Variants in SKIC3 observed in about 807,000 individuals in gnomAD.
SKIC3 encodes the protein superkiller complex protein 3.
At chr5:95,503,323 A>G in the SKIC3 span, among the ~76,000 whole-genome samples, 49 of 152,190 alleles carry the variant, frequency 3.2e-4, 1 homozygote, top group Admixed American at 3.2e-3. Context: ...CTGAGATATC[A>G]CCAAAACTCC....
chr5:95,529,135 G>T, the SKIC3 span: 2 of 1,591,634 alleles, frequency 1.3e-6, no homozygotes, highest in South Asian at 2.2e-5. Context: ...AAAAAACAAG[G>T]TTTCTGTGAC....
the SKIC3 span, chr5:95,524,547 T>G: frequency 8.1e-6 from 13 of 1,613,864 alleles, no homozygotes; most frequent in Non-Finnish European, 1.1e-5. Context: ...AAGTTGGTAA[T>G]GATATTCTGC....
the SKIC3 span, among the ~76,000 whole-genome samples, chr5:95,480,678 A>T: frequency 6.6e-6 from 1 of 152,226 alleles, no homozygotes; most frequent in Non-Finnish European, 1.5e-5. Flanking sequence ...CCCACCAAAA[A>T]GCATGACCAA....
At chr5:95,470,944 AACC>A in the SKIC3 span, among the ~76,000 whole-genome samples, 1 of 152,206 alleles carries the variant, frequency 6.6e-6, no homozygotes, top group Non-Finnish European at 1.5e-5. Flanking sequence ...AAGATTTCAT[AACC>A]ACAAGTATCT....
At chr5:95,540,611 T>C in the SKIC3 span, 1 of 1,547,900 alleles carries the variant, frequency 6.5e-7, no homozygotes, top group Non-Finnish European at 8.9e-7. Context: ...ATGACAATGA[T>C]CAATTATGTT....
the SKIC3 span, among the ~76,000 whole-genome samples, chr5:95,478,105 T>C: frequency 6.6e-6 from 1 of 152,172 alleles, no homozygotes. Flanking sequence ...TATTCTGCTG[T>C]AGTCTATAGA....
the SKIC3 span, among the ~76,000 whole-genome samples, chr5:95,464,869 C>T: frequency 6.7e-6 from 1 of 149,208 alleles, no homozygotes; most frequent in Non-Finnish European, 1.5e-5. Context: ...ACGAAGCTAA[C>T]ATCAGAGAGA....
the SKIC3 span, among the ~76,000 whole-genome samples, chr5:95,493,180 A>G: frequency 6.6e-6 from 1 of 152,194 alleles, no homozygotes; most frequent in African/African-American, 2.4e-5. Flanking sequence ...ACAAGGACTA[A>G]GTGTACAGCC....
the SKIC3 span, among the ~76,000 whole-genome samples, chr5:95,495,730 G>A: frequency 4.6e-5 from 7 of 152,098 alleles, no homozygotes; most frequent in Non-Finnish European, 8.8e-5. Flanking sequence ...CATCTGCAGC[G>A]TCCACACTCT....
chr5:95,477,402 G>A, the SKIC3 span, among the ~76,000 whole-genome samples: 2 of 152,116 alleles, frequency 1.3e-5, no homozygotes, highest in Non-Finnish European at 2.9e-5. Flanking sequence ...CCTAGTTAAA[G>A]TGAGTAACTA....
chr5:95,518,725 G>A, the SKIC3 span, among the ~76,000 whole-genome samples: 1 of 151,898 alleles, frequency 6.6e-6, no homozygotes, highest in Non-Finnish European at 1.5e-5. Flanking sequence ...GAATATCTAG[G>A]TTGATTCCAT....
At chr5:95,508,097 T>C in the SKIC3 span, among the ~76,000 whole-genome samples, 1 of 152,172 alleles carries the variant, frequency 6.6e-6, no homozygotes, top group Admixed American at 6.5e-5. Flanking sequence ...TATACTTCTT[T>C]CCATACACAC....
At chr5:95,510,688 C>T in the SKIC3 span, among the ~76,000 whole-genome samples, 1 of 152,190 alleles carries the variant, frequency 6.6e-6, no homozygotes, top group African/African-American at 2.4e-5. Flanking sequence ...CTGCCCACCA[C>T]CATCCACCAA....
chr5:95,518,463 C>G, the SKIC3 span, among the ~76,000 whole-genome samples: 4 of 151,970 alleles, frequency 2.6e-5, no homozygotes, highest in African/African-American at 9.7e-5. Context: ...ATCCTTTCCC[C>G]CTACCCTTCC....
the SKIC3 span, chr5:95,548,620 A>C: frequency 6.6e-6 from 1 of 151,990 alleles, no homozygotes; most frequent in African/African-American, 2.4e-5. Flanking sequence ...ATTTTTTTGT[A>C]GTTTGCAAAT....
the SKIC3 span, chr5:95,529,164 C>G: frequency 7.3e-7 from 1 of 1,378,418 alleles, no homozygotes; most frequent in South Asian, 1.2e-5. Flanking sequence ...TGAACAGCAC[C>G]AATGCCTACT....
chr5:95,547,346 T>C, the SKIC3 span, among the ~76,000 whole-genome samples: 3 of 152,182 alleles, frequency 2.0e-5, no homozygotes, highest in Admixed American at 1.3e-4. Context: ...ACTTCCTCAA[T>C]GAAACCTTCC....
the SKIC3 span, among the ~76,000 whole-genome samples, chr5:95,537,744 A>G: frequency 1.8e-4 from 28 of 152,294 alleles, no homozygotes; most frequent in South Asian, 5.6e-3. Context: ...GAACAGCAAT[A>G]CTAGAATCCA....
At chr5:95,540,768 C>A in the SKIC3 span, 3 of 1,614,072 alleles carry the variant, frequency 1.9e-6, no homozygotes, top group Non-Finnish European at 2.5e-6. Context: ...GTTGATGAAG[C>A]TCTTCATTTT....
Sources: gnomAD v4.1 joint callset for allele counts (sites outside exome capture counted in the v4.1 genomes callset) on GRCh38, gnomAD v4.1.1 for gene constraint, MANE v1.5 for transcripts, NCBI Gene and HGNC (gene_info 2026-07-23, HGNC 2026-07-21) for gene names.